Variants in ASB2 observed in about 807,000 individuals in gnomAD.
The protein encoded by ASB2 is ankyrin repeat and SOCS box containing 2.
A neutral mutation model predicts 62.4 loss-of-function variants in ASB2; 58 were observed. The ratio of observed to expected loss-of-function variants is 0.93; its 90% CI spans 0.75 to 1.16. ASB2 has a LOEUF of 1.16. Ranked by LOEUF, ASB2 falls within the 50% of genes most tolerant of loss-of-function variation. The pLI, the probability that ASB2 is intolerant of heterozygous loss-of-function variation, is 0.00. For synonymous variants in ASB2, 386 were observed against 385.3 expected (o/e 1.00, Z -0.02); for missense variants, 928 against 887.9 (o/e 1.05, Z -0.57).
chr14:93,973,641 G>T (rs2402383), intron 1 of ASB2, among the ~76,000 whole-genome samples: 89,028 of 152,044 alleles, frequency 0.59, 26,881 homozygotes, highest in East Asian at 0.98. Flanking sequence ...GGTGACCTTC[G>T]TCTCCACCTC....
intron 7 of ASB2, among the ~76,000 whole-genome samples, 182 bp downstream of exon 7, chr14:93,947,167 A>C (rs1888756298): frequency 6.6e-6 from 1 of 152,240 alleles, no homozygotes; most frequent in Admixed American, 6.5e-5. Context: ...CATTCACTCC[A>C]TGTTGCTAAC....
At chr14:93,939,751 G>T (rs1888446136) in intron 7 of ASB2, 79 bp from the exon 8 acceptor site, 3 of 1,142,074 alleles carry the variant, frequency 2.6e-6, no homozygotes, top group Non-Finnish European at 2.3e-6. Context: ...CAGCAGGAGA[G>T]CTCGGGCGCC....
At chr14:93,946,792 C>G (rs1026070887) in intron 7 of ASB2, among the ~76,000 whole-genome samples, 15 of 152,214 alleles carry the variant, frequency 9.9e-5, no homozygotes, top group African/African-American at 3.6e-4. Flanking sequence ...ACTGCTAGTT[C>G]TTATCATTGG....
At chr14:93,947,579 T>C in intron 6 of ASB2, 59 bp from the exon 7 acceptor site, 1 of 1,577,092 alleles carries the variant, frequency 6.3e-7, no homozygotes, top group Non-Finnish European at 8.7e-7. Flanking sequence ...CTGTCCTCAA[T>C]GTAACGCCAC....
At chr14:93,951,274 G>A in intron 5 of ASB2, 30 bp from the exon 6 acceptor site, 3 of 1,564,980 alleles carry the variant, frequency 1.9e-6, no homozygotes, top group African/African-American at 1.3e-5. Context: ...GGGATGGTCA[G>A]CAGGGCCTGG....
chr14:93,956,724 A>G lies in ASB2; in HGVS notation c.311+42T>C, dbSNP rs376511781. Reference sequence around the variant, plus strand: ...CCCTCCCTGCCATCCCAGTTAGCGGAGTGAACTTGGATGGTCCTGGGGCCA... The same window carrying G: ...CCCTCCCTGCCATCCCAGTTAGCGGGGTGAACTTGGATGGTCCTGGGGCCA... On this transcript the variant is annotated intron_variant, in intron 3 of 9. Coordinates refer to ENST00000555019, the MANE Select transcript of ASB2 (RefSeq NM_001202429.2). 2.4e-5 allele frequency: 39 copies of G among 1,608,790 alleles called. No individual in the cohort carries two copies. The Admixed American group carries it at 3.2e-4, about 13-fold the overall frequency.
At chr14:93,959,936 C>G (rs925781661) in intron 2 of ASB2, among the ~76,000 whole-genome samples, 1 of 151,248 alleles carries the variant, frequency 6.6e-6, no homozygotes, top group Non-Finnish European at 1.5e-5. Context: ...CCACGCCCGC[C>G]AACATGTCAC....
At chr14:93,940,004 T>G (rs1567020030) in intron 7 of ASB2, 1 of 312,378 alleles carries the variant, frequency 3.2e-6, no homozygotes, top group East Asian at 5.3e-5. Context: ...CTTAAAAACC[T>G]CAGCCAGACT....
chr14:93,939,226 C>G lies in ASB2; in HGVS notation c.1499G>C (p.Cys500Ser), dbSNP rs1463373045. The change falls in exon 8 of 10, where the codon TGC (cysteine) becomes TCC (serine). Residue 500 changes from cysteine (C) to serine (S), a missense_variant. Coordinates refer to ENST00000555019, the MANE Select transcript of ASB2 (RefSeq NM_001202429.2). ...SLLKFLMDLG[C>S]DGEPCFSCLY... ...GCATGAGAAGCAGGGCTCGCCGTCG[C>G]AGCCCAGGTCCATGAGGAACTTGAG... 1.9e-6 allele frequency: 3 copies of G among 1,608,060 alleles called. No homozygotes were observed. In the South Asian group the frequency reaches 3.3e-5, roughly 18 times the overall value.
chr14:93,963,379 C>T (rs926496880), intron 2 of ASB2, among the ~76,000 whole-genome samples: 2 of 149,926 alleles, frequency 1.3e-5, no homozygotes, highest in African/African-American at 5.0e-5. Flanking sequence ...CCCAAACACA[C>T]TTGACCTTGG....
At position 93,934,206 on chromosome 14, in the gene ASB2, C is replaced by T. The variant is rs1888189485; in HGVS notation, c.*450G>A. The T allele has an allele frequency of 4.4e-6, 2 of 456,128 alleles. No homozygotes were observed. Among genetic ancestry groups the T allele is most frequent in the Non-Finnish European group, 8.8e-6 (2 of 227,020 alleles). 28.3% of individuals were successfully genotyped at this position (456,128 alleles called of 1,614,324 possible). ...TTATTATATTAATACTTAACAAAGCCCTCCAAGACCCAGGCTCCCCCTACC... is the reference window on the plus strand; with the variant it reads ...TTATTATATTAATACTTAACAAAGCTCTCCAAGACCCAGGCTCCCCCTACC... On this transcript the variant is annotated 3_prime_UTR_variant, in exon 10 of 10. Coordinates refer to ENST00000555019, the MANE Select transcript of ASB2 (RefSeq NM_001202429.2).
At chr14:93,975,750 C>A (rs1217907138) in intron 1 of ASB2, among the ~76,000 whole-genome samples, 1 of 152,246 alleles carries the variant, frequency 6.6e-6, no homozygotes, top group Non-Finnish European at 1.5e-5. Context: ...CCAAGCTGCT[C>A]CTCCACCTGG....
chr14:93,960,950 G>GATAAATAA (rs3063040), intron 2 of ASB2, among the ~76,000 whole-genome samples: 42,353 of 144,576 alleles, frequency 0.29, 6,576 homozygotes, highest in East Asian at 0.34. Context: ...GGGCACTGGA[G>GATAAATAA]ATAAATAAAT....
chr14:93,965,948 T>C (rs1455590364), intron 1 of ASB2, among the ~76,000 whole-genome samples: 1 of 152,238 alleles, frequency 6.6e-6, no homozygotes, highest in African/African-American at 2.4e-5. Context: ...CCCGGGCACC[T>C]GAGCCCAACC....
At chr14:93,973,011 G>A (rs1221867606) in intron 1 of ASB2, among the ~76,000 whole-genome samples, 1 of 152,248 alleles carries the variant, frequency 6.6e-6, no homozygotes, top group African/African-American at 2.4e-5. Context: ...GCTTTCGGGT[G>A]CCAGGGCCTT....
intron 2 of ASB2, among the ~76,000 whole-genome samples, chr14:93,960,984 T>TAAATAAATAAAC (rs1340934157): frequency 2.3e-3 from 343 of 150,860 alleles, no homozygotes; most frequent in African/African-American, 5.4e-3. Context: ...AATAAATAAA[T>TAAATAAATAAAC]AAACAGTATC....
intron 7 of ASB2, among the ~76,000 whole-genome samples, chr14:93,943,553 A>G (rs545272102): frequency 2.0e-5 from 3 of 152,342 alleles, no homozygotes; most frequent in African/African-American, 7.2e-5. Context: ...CTGAGGAAGG[A>G]GAATCACTTG....
intron 1 of ASB2, 101 bp from the exon 2 acceptor site, chr14:93,964,713 A>G (rs1054808113): frequency 1.6e-6 from 1 of 632,032 alleles, no homozygotes; most frequent in Non-Finnish European, 2.8e-6. Flanking sequence ...TAACACATTC[A>G]TTTCTAAATT....
In ASB2 at chr14:93,941,634, G is replaced by A. The variant is rs775491849; in HGVS notation, c.1053-1962C>T. ...GGCCTGGGCCTCACCCTGGATGGCG[G>A]CCACGGCCAACAAATGCTCTGCTAA... is the stretch of plus-strand genomic sequence containing the variant. On this transcript the variant is annotated intron_variant, in intron 7 of 9. Coordinates refer to ENST00000555019, the MANE Select transcript of ASB2 (RefSeq NM_001202429.2). 35 of 455,964 alleles carry A rather than the reference G, an allele frequency of 7.7e-5. 2 individuals are homozygous for A. The highest frequency in any genetic ancestry group is 4.0e-4 in the South Asian group (26 of 64,568). 28.2% of individuals were successfully genotyped at this position (455,964 alleles called of 1,614,324 possible). A position where few individuals can be genotyped will look rare whatever the true frequency, so the allele number is the denominator to read the frequency against.
Sources: allele counts gnomAD v4.1 joint callset (sites outside exome capture counted in the v4.1 genomes callset), GRCh38; gene constraint gnomAD v4.1.1; transcripts MANE v1.5; gene names NCBI Gene and HGNC (gene_info 2026-07-23, HGNC 2026-07-21).